RBFOX1: variants seen among roughly 807,000 people sequenced by gnomAD.
RBFOX1 encodes the protein RNA binding protein fox-1 homolog 1.
RBFOX1 carries 8 observed loss-of-function variants against 57.7 expected under a neutral mutation model. That is an observed-to-expected ratio of 0.14 (90% CI 0.08 to 0.25). The LOEUF (loss-of-function observed/expected upper bound fraction) is 0.25. Among genes scored for constraint, RBFOX1 ranks in the 10% least tolerant of loss-of-function variants. The probability of loss-of-function intolerance (pLI) is 1.00; values close to 1 mark genes in which losing one functional copy is unlikely to be tolerated. For synonymous variants in RBFOX1, 326 were observed against 222.4 expected, an observed-to-expected ratio of 1.47 and a Z score of -4.15; for missense variants, 611 against 548.5, an observed-to-expected ratio of 1.11 and a Z score of -1.14.
intron 1 of RBFOX1, among the ~76,000 whole-genome samples, chr16:6,214,043 A>T (rs2097315320): frequency 6.6e-6 from 1 of 152,168 alleles, no homozygotes; most frequent in Admixed American, 6.5e-5. Context: ...GCTCTGTCAG[A>T]TGTCCCACCC....
chr16:6,896,339 A>G (rs973036582), intron 3 of RBFOX1, among the ~76,000 whole-genome samples: 3 of 152,192 alleles, frequency 2.0e-5, no homozygotes, highest in Non-Finnish European at 1.5e-5. Context: ...TAAATATAAA[A>G]TTACTACTGA....
intron 4 of RBFOX1, among the ~76,000 whole-genome samples, chr16:7,166,698 G>A (rs189401505): frequency 2.6e-4 from 40 of 152,200 alleles, no homozygotes; most frequent in African/African-American, 8.7e-4. Flanking sequence ...GCTGTCAGCC[G>A]ATGCACTAGG....
intron 2 of RBFOX1, among the ~76,000 whole-genome samples, chr16:6,552,114 G>C (rs576697900): frequency 6.6e-6 from 1 of 152,020 alleles, no homozygotes; most frequent in Admixed American, 6.6e-5. Context: ...CTTCCTGCTG[G>C]GACAATAATG....
intron 2 of RBFOX1, among the ~76,000 whole-genome samples, chr16:6,382,317 A>T (rs2091890926): frequency 6.6e-6 from 1 of 152,206 alleles, no homozygotes; most frequent in Non-Finnish European, 1.5e-5. Context: ...TAATGGCAGT[A>T]AACACTCATT....
chr16:7,253,535 A>G (rs752407483), intron 4 of RBFOX1, among the ~76,000 whole-genome samples: 7 of 152,174 alleles, frequency 4.6e-5, no homozygotes, highest in Admixed American at 2.0e-4. Flanking sequence ...TCTGCAAAAC[A>G]TTAAATGCAC....
At chr16:6,025,252 A>T (rs2095167353) in intron 1 of RBFOX1, among the ~76,000 whole-genome samples, 1 of 152,214 alleles carries the variant, frequency 6.6e-6, no homozygotes, top group South Asian at 2.1e-4. Flanking sequence ...GGACGTAGTG[A>T]CATCTGAAAA....
intron 3 of RBFOX1, among the ~76,000 whole-genome samples, chr16:5,665,131 T>TGGGG (rs141383358): frequency 3.0e-4 from 29 of 98,220 alleles, no homozygotes; most frequent in African/African-American, 7.5e-4. Flanking sequence ...TATTTTTACA[T>TGGGG]GGGGGGGGGC....
At position 6,616,242 on chromosome 16, in the gene RBFOX1, C is replaced by T. The variant is rs554974077; in HGVS notation, c.-63-38361C>T. ...ATAAATGAATGTCTGTGCTCATATT[C>T]TCCTGTCCTTTAAAAATTATATTAA... On this transcript the variant is annotated intron_variant, in intron 2 of 15. Coordinates refer to ENST00000550418, the MANE Select transcript of RBFOX1 (RefSeq NM_018723.4). 5.2e-4 allele frequency among the ~76,000 whole-genome samples: 79 copies of T among 152,280 alleles called. 3 individuals carry two copies. The South Asian group carries it at 0.016, about 31-fold the overall frequency.
chr16:5,487,916 T>G (rs993481617), intron 2 of RBFOX1, among the ~76,000 whole-genome samples: 1 of 151,796 alleles, frequency 6.6e-6, no homozygotes, highest in Non-Finnish European at 1.5e-5. Flanking sequence ...AATGGAGATT[T>G]ATGGTGATGA....
intron 3 of RBFOX1, among the ~76,000 whole-genome samples, chr16:6,981,828 A>C (rs1362690221): frequency 6.6e-6 from 1 of 152,138 alleles, no homozygotes; most frequent in Non-Finnish European, 1.5e-5. Context: ...TGGGGTGGGG[A>C]CACAGCCAAG....
At chr16:7,612,931 C>T (rs955933078) in intron 10 of RBFOX1, among the ~76,000 whole-genome samples, 2 of 152,180 alleles carry the variant, frequency 1.3e-5, no homozygotes, top group African/African-American at 4.8e-5. Flanking sequence ...AGATGCACCA[C>T]TTGAACACAC....
intron 4 of RBFOX1, among the ~76,000 whole-genome samples, chr16:5,956,678 A>ATATTTTTTTTT (rs368096576): frequency 2.6e-5 from 3 of 116,504 alleles, no homozygotes; most frequent in African/African-American, 1.0e-4. Flanking sequence ...ATATATATAT[A>ATATTTTTTTTT]TTTTTTTTGA....
At chr16:7,500,039 A>G (rs147404795) in intron 4 of RBFOX1, among the ~76,000 whole-genome samples, 59 of 152,278 alleles carry the variant, frequency 3.9e-4, no homozygotes, top group African/African-American at 1.4e-3. Flanking sequence ...CAAGTCAGCC[A>G]GGCCCTGCTG....
chr16:7,471,293 A>C (rs1363341186), intron 4 of RBFOX1, among the ~76,000 whole-genome samples: 1 of 152,208 alleles, frequency 6.6e-6, no homozygotes. Context: ...ACAGAACTGC[A>C]ATCTCTTTAA....
intron 4 of RBFOX1, among the ~76,000 whole-genome samples, chr16:7,118,776 G>A (rs1434606841): frequency 2.0e-5 from 3 of 152,096 alleles, no homozygotes; most frequent in South Asian, 2.1e-4. Flanking sequence ...TGGTAAAATT[G>A]TACACATAAG....
intron 4 of RBFOX1, among the ~76,000 whole-genome samples, chr16:7,090,859 A>T (rs1198469159): frequency 6.6e-6 from 1 of 152,194 alleles, no homozygotes; most frequent in Non-Finnish European, 1.5e-5. Flanking sequence ...TTGCCGTAGA[A>T]TGAAGTAAAA....
chr16:6,483,593 AGAGG>A (rs2095410624), intron 2 of RBFOX1: 16 of 1,320,482 alleles, frequency 1.2e-5, no homozygotes, highest in Non-Finnish European at 1.6e-5. Context: ...AAGGAGAGAA[AGAGG>A]GAGAGAGGGA....
intron 9 of RBFOX1, among the ~76,000 whole-genome samples, chr16:7,598,445 G>A (rs2094825350): frequency 1.3e-5 from 2 of 151,866 alleles, no homozygotes; most frequent in South Asian, 4.1e-4. Context: ...GGAGATATAT[G>A]GAATTTTATA....
At position 6,860,773 on chromosome 16, in the gene RBFOX1, C is replaced by T. The variant is rs184295494; in HGVS notation, c.-15-191284C>T. On this transcript the variant is annotated intron_variant, in intron 3 of 15. Transcript: ENST00000550418. ...ATCTGAAAACCATAATGTTGAACAACAACAAAAAGTAATTTGCAGCAGGAG... is the reference window on the plus strand; with the variant it reads ...ATCTGAAAACCATAATGTTGAACAATAACAAAAAGTAATTTGCAGCAGGAG... 3.0e-4 allele frequency among the ~76,000 whole-genome samples: 45 copies of T among 152,082 alleles called. No individual in the cohort carries two copies. In the Middle Eastern group the frequency reaches 0.027, roughly 93 times the overall value.
Sources: allele counts gnomAD v4.1 joint callset (sites outside exome capture counted in the v4.1 genomes callset), GRCh38; gene constraint gnomAD v4.1.1; transcripts MANE v1.5; gene names NCBI Gene and HGNC (gene_info 2026-07-23, HGNC 2026-07-21).